The following RBFOX1 variants were observed in gnomAD, a reference collection of about 807,000 sequenced individuals.
The protein encoded by RBFOX1 is RNA binding protein fox-1 homolog 1.
A neutral mutation model predicts 57.7 loss-of-function variants in RBFOX1; 8 were observed. That is an observed-to-expected ratio of 0.14 (90% CI 0.08 to 0.25). RBFOX1 has a LOEUF of 0.25. Ranked by LOEUF, RBFOX1 falls within the 10% of genes least tolerant of loss-of-function variation. The pLI is 1.00. For missense variants in RBFOX1, 611 were observed against 548.5 expected (o/e 1.11, Z -1.14); for synonymous variants, 326 against 222.4 (o/e 1.47, Z -4.15).
intron 4 of RBFOX1, among the ~76,000 whole-genome samples, chr16:7,395,610 G>A (rs913845115): frequency 1.3e-5 from 2 of 152,142 alleles, no homozygotes; most frequent in Non-Finnish European, 2.9e-5. Context: ...TTTGTTGTGG[G>A]GATTGAGGGG....
chr16:5,740,240 C>G (rs61413101), intron 3 of RBFOX1, among the ~76,000 whole-genome samples: 1 of 152,082 alleles, frequency 6.6e-6, no homozygotes, highest in South Asian at 2.1e-4. Flanking sequence ...ATCAGGTGCC[C>G]TGTTGATCAG....
chr16:6,034,353 A>AAAAG (rs1567302210), intron 1 of RBFOX1, among the ~76,000 whole-genome samples: 6 of 145,924 alleles, frequency 4.1e-5, no homozygotes, highest in South Asian at 4.3e-4. Flanking sequence ...AAAAAAAAAA[A>AAAAG]AAAAGAAAAG....
At chr16:5,540,840 G>T (rs984463979) in intron 2 of RBFOX1, among the ~76,000 whole-genome samples, 1 of 152,092 alleles carries the variant, frequency 6.6e-6, no homozygotes, top group South Asian at 2.1e-4. Context: ...ATCTGAATCT[G>T]CAGTTTTTTA....
At chr16:5,760,667 T>C (rs762072288) in intron 3 of RBFOX1, among the ~76,000 whole-genome samples, 3 of 152,196 alleles carry the variant, frequency 2.0e-5, no homozygotes, top group South Asian at 2.1e-4. Flanking sequence ...TCTTGTACAA[T>C]TCAATTTATA....
intron 3 of RBFOX1, among the ~76,000 whole-genome samples, chr16:6,734,800 A>AT (rs1186337805): frequency 6.6e-6 from 1 of 152,130 alleles, no homozygotes; most frequent in Non-Finnish European, 1.5e-5. Context: ...TGTGGAAAAT[A>AT]TTTTTTACGA....
At chr16:6,815,595 C>T (rs1311265521) in intron 3 of RBFOX1, among the ~76,000 whole-genome samples, 1 of 152,190 alleles carries the variant, frequency 6.6e-6, no homozygotes, top group Non-Finnish European at 1.5e-5. Context: ...TCATTAATCT[C>T]ATTTTACCAA....
rs2048620222 is a variant in RBFOX1, at chr16:5,634,491, A to T, written c.318+35530A>T. Among the ~76,000 whole-genome samples the T allele has an allele frequency of 1.3e-5, 2 of 152,242 alleles. 1 individual carries two copies. Among genetic ancestry groups the T allele is most frequent in the South Asian group, 4.1e-4 (2 of 4,834 alleles). ...TAAACAAAATTAAAGAACTTGTACA[A>T]AATGCTAAACATATTTTTTTTTCAA... On this transcript the variant is annotated intron_variant, in intron 3 of 19. Coordinates refer to the RBFOX1 transcript ENST00000641259.
intron 3 of RBFOX1, among the ~76,000 whole-genome samples, chr16:6,897,711 T>C (rs1031170374): frequency 6.6e-6 from 1 of 152,104 alleles, no homozygotes; most frequent in Admixed American, 6.5e-5. Context: ...GACAGTTGCT[T>C]GAACCCGGGA....
At position 7,153,666 on chromosome 16, in the gene RBFOX1, C is replaced by T. The variant is rs544285681; in HGVS notation, c.27+101568C>T. 2.0e-5 allele frequency among the ~76,000 whole-genome samples: 3 copies of T among 146,350 alleles called. No homozygotes were observed. In the South Asian group the frequency reaches 6.4e-4, roughly 31 times the overall value. Reference sequence around the variant, plus strand: ...TTGGGAGGCTGAGGCAGGAGAATCGCTGGAACCCTGAAGTCGGAGGTTGCA... The same window carrying T: ...TTGGGAGGCTGAGGCAGGAGAATCGTTGGAACCCTGAAGTCGGAGGTTGCA... On this transcript the variant is annotated intron_variant, in intron 4 of 15. Coordinates refer to ENST00000550418, the MANE Select transcript of RBFOX1 (RefSeq NM_018723.4).
intron 2 of RBFOX1, among the ~76,000 whole-genome samples, chr16:6,593,152 A>G (rs1218527100): frequency 6.6e-6 from 1 of 152,164 alleles, no homozygotes; most frequent in Non-Finnish European, 1.5e-5. Flanking sequence ...AGATGGCACC[A>G]TTGCGCTCCA....
At chr16:7,384,344 A>C (rs1441540159) in intron 4 of RBFOX1, among the ~76,000 whole-genome samples, 8 of 152,174 alleles carry the variant, frequency 5.3e-5, no homozygotes, top group African/African-American at 1.9e-4. Context: ...CAATATGAAA[A>C]ACGAGGAATA....
intron 3 of RBFOX1, among the ~76,000 whole-genome samples, chr16:6,877,994 T>G (rs1479784921): frequency 6.6e-6 from 1 of 152,156 alleles, no homozygotes; most frequent in African/African-American, 2.4e-5. Context: ...GTCATTGTGC[T>G]TAAGCATATA....
intron 1 of RBFOX1, among the ~76,000 whole-genome samples, chr16:5,447,584 G>C (rs2068288213): frequency 1.3e-5 from 2 of 152,114 alleles, no homozygotes; most frequent in African/African-American, 4.8e-5. Flanking sequence ...TTTTAATAGA[G>C]ACGAGATTTC....
chr16:7,216,304 G>C (rs910568888), intron 4 of RBFOX1, among the ~76,000 whole-genome samples: 6 of 150,938 alleles, frequency 4.0e-5, no homozygotes, highest in African/African-American at 7.3e-5. Context: ...AATCCAGCTA[G>C]TCTTTTGACT....
intron 4 of RBFOX1, among the ~76,000 whole-genome samples, chr16:5,942,595 T>G (rs1204422297): frequency 6.6e-6 from 1 of 152,172 alleles, no homozygotes; most frequent in Non-Finnish European, 1.5e-5. Flanking sequence ...CCTTTCATGA[T>G]CCTAAATTTG....
rs1057250975 is a variant in RBFOX1 at position 6,679,108 on chromosome 16, A to G, written c.-16+24458A>G. On this transcript the variant is annotated intron_variant, in intron 3 of 15. Coordinates refer to ENST00000550418, the MANE Select transcript of RBFOX1 (RefSeq NM_018723.4). ...GAGAGAGAGGGCAAGCAAGCTTTCA[A>G]CAGACAAAATATGCAGCCAGAATTT... Among the ~76,000 whole-genome samples the G allele has an allele frequency of 5.3e-5, 8 of 152,134 alleles. No individual in the cohort carries two copies. The East Asian group carries it at 1.4e-3, about 26-fold the overall frequency.
intron 1 of RBFOX1, among the ~76,000 whole-genome samples, chr16:5,408,635 G>C (rs1768739651): frequency 6.6e-6 from 1 of 152,218 alleles, no homozygotes; most frequent in South Asian, 2.1e-4. Flanking sequence ...ATCTGAGACT[G>C]GGTAATTTAT....
At chr16:6,599,872 C>A (rs2097828344) in intron 2 of RBFOX1, among the ~76,000 whole-genome samples, 1 of 152,212 alleles carries the variant, frequency 6.6e-6, no homozygotes, top group African/African-American at 2.4e-5. Flanking sequence ...TGTTAGGCAA[C>A]TAGAACAGCA....
intron 4 of RBFOX1, among the ~76,000 whole-genome samples, chr16:7,111,724 C>T (rs535568831): frequency 3.8e-4 from 58 of 151,014 alleles, no homozygotes; most frequent in African/African-American, 1.1e-3. Context: ...AGGACCTGGT[C>T]TTTATAAAAT....
Sources: gnomAD v4.1 joint callset for allele counts (sites outside exome capture counted in the v4.1 genomes callset) on GRCh38, gnomAD v4.1.1 for gene constraint, MANE v1.5 for transcripts, NCBI Gene and HGNC (gene_info 2026-07-23, HGNC 2026-07-21) for gene names.